HSD17B12: variants seen among roughly 807,000 people sequenced by gnomAD.
The protein encoded by HSD17B12 is hydroxysteroid 17-beta dehydrogenase 12.
HSD17B12 carries 32 observed loss-of-function variants against 39.3 expected under a neutral mutation model. That is an observed-to-expected ratio of 0.81 (90% confidence interval 0.61 to 1.09). The LOEUF (loss-of-function observed/expected upper bound fraction) is 1.09, where lower values mean the gene tolerates loss of function less well. Ranked by LOEUF, HSD17B12 falls within the 50% of genes least tolerant of loss-of-function variation. The pLI is 0.00. For synonymous variants in HSD17B12, 150 were observed against 146.7 expected (o/e 1.02, Z -0.16); for missense variants, 342 against 382.9 (o/e 0.89, Z 0.89).
At chr11:43,595,606 A>T in the HSD17B12 span, among the ~76,000 whole-genome samples, 2 of 152,238 alleles carry the variant, frequency 1.3e-5, no homozygotes, top group African/African-American at 4.8e-5. Context: ...AGTGATCTTC[A>T]GCTGTAAGAT....
chr11:43,769,120 A>G (rs1950625909), intron 3 of HSD17B12, among the ~76,000 whole-genome samples: 1 of 152,090 alleles, frequency 6.6e-6, no homozygotes, highest in African/African-American at 2.4e-5. Flanking sequence ...TTGTATTTTT[A>G]GGAGACACAG....
At chr11:43,734,528 GC>G in intron 1 of HSD17B12, 1 of 601,428 alleles carries the variant, frequency 1.7e-6, no homozygotes, top group Non-Finnish European at 2.9e-6. Flanking sequence ...TCACCTACCT[GC>G]CAGCAGGGCA....
chr11:43,679,120 G>A (rs896246863), upstream of HSD17B12, among the ~76,000 whole-genome samples: 1 of 152,154 alleles, frequency 6.6e-6, no homozygotes, highest in African/African-American at 2.4e-5. Flanking sequence ...TTGAGCAGTG[G>A]TTTGTAGTTC....
chr11:43,713,758 TC>T (rs1321923215), intron 1 of HSD17B12, among the ~76,000 whole-genome samples: 6 of 152,202 alleles, frequency 3.9e-5, no homozygotes, highest in African/African-American at 1.4e-4. Context: ...GTAAAAGTGT[TC>T]CTATTTCTCC....
At chr11:43,747,167 C>A (rs896747683) in intron 1 of HSD17B12, among the ~76,000 whole-genome samples, 22 of 152,158 alleles carry the variant, frequency 1.4e-4, no homozygotes, top group African/African-American at 5.3e-4. Context: ...AAACACTTAC[C>A]AAATGTCTAC....
the HSD17B12 span, among the ~76,000 whole-genome samples, chr11:43,632,824 G>A: frequency 5.3e-5 from 8 of 152,094 alleles, no homozygotes; most frequent in African/African-American, 1.9e-4. Context: ...TCTTTTAGAC[G>A]AGATTTGTAA....
the HSD17B12 span, among the ~76,000 whole-genome samples, chr11:43,575,476 C>G: frequency 6.6e-6 from 1 of 152,218 alleles, no homozygotes; most frequent in Non-Finnish European, 1.5e-5. The surrounding 1 kb of genome is among the most constrained non-coding windows in gnomAD (Gnocchi z 4.1). Context: ...TGTGCACGGC[C>G]GAGTTTGCAT....
chr11:43,568,076 T>C, the HSD17B12 span, among the ~76,000 whole-genome samples: 1 of 152,106 alleles, frequency 6.6e-6, no homozygotes, highest in East Asian at 1.9e-4. Flanking sequence ...CCCTGTTTGT[T>C]TTTTTATTCT....
chr11:43,614,628 G>A, the HSD17B12 span, among the ~76,000 whole-genome samples: 1 of 152,028 alleles, frequency 6.6e-6, no homozygotes, highest in African/African-American at 2.4e-5. Flanking sequence ...ATACTTTTCT[G>A]ACACAATTTC....
chr11:43,756,926 T>G (rs941988411), intron 3 of HSD17B12, among the ~76,000 whole-genome samples: 2 of 152,232 alleles, frequency 1.3e-5, no homozygotes, highest in Admixed American at 6.5e-5. Context: ...GACACTGAAT[T>G]GACCTTTATT....
At chr11:43,643,763 G>A in the HSD17B12 span, among the ~76,000 whole-genome samples, 4 of 152,172 alleles carry the variant, frequency 2.6e-5, no homozygotes, top group African/African-American at 9.7e-5. Context: ...TTATAGGATA[G>A]TCTTTCTCTC....
chr11:43,784,977 G>C (rs1029415481), intron 3 of HSD17B12, among the ~76,000 whole-genome samples: 5 of 152,140 alleles, frequency 3.3e-5, no homozygotes, highest in Admixed American at 1.3e-4. Flanking sequence ...AAGTTATCTT[G>C]AGGCATTAAC....
intron 4 of HSD17B12, among the ~76,000 whole-genome samples, chr11:43,812,463 GA>G (rs1951082264): frequency 6.6e-6 from 1 of 152,136 alleles, no homozygotes; most frequent in Non-Finnish European, 1.5e-5. Flanking sequence ...AGATTTCTGT[GA>G]TGATTGGTGA....
the HSD17B12 span, chr11:43,576,565 C>T: frequency 6.6e-6 from 1 of 152,348 alleles, no homozygotes; most frequent in South Asian, 2.1e-4. Flanking sequence ...CTTTCTCTTT[C>T]CTCCCCCTAT....
chr11:43,832,690 A>C (rs187186932), intron 7 of HSD17B12, among the ~76,000 whole-genome samples: 2 of 152,188 alleles, frequency 1.3e-5, no homozygotes, highest in East Asian at 3.9e-4. Context: ...ATAGGCATTC[A>C]TTTAGTCAAG....
At chr11:43,718,642 A>G in intron 1 of HSD17B12, 4 of 670,784 alleles carry the variant, frequency 6.0e-6, no homozygotes, top group Non-Finnish European at 1.0e-5. Flanking sequence ...TACCCCATGT[A>G]TCAAAAATAT....
chr11:43,632,980 T>G, the HSD17B12 span, among the ~76,000 whole-genome samples: 117 of 152,324 alleles, frequency 7.7e-4, 3 homozygotes, highest in East Asian at 0.018. Context: ...TGGTATGTTT[T>G]GGTTATAATG....
intron 6 of HSD17B12, among the ~76,000 whole-genome samples, chr11:43,823,710 A>AT (rs58245670): frequency 4.9e-4 from 73 of 149,764 alleles, no homozygotes; most frequent in Admixed American, 1.7e-3. Context: ...TGCACAACAC[A>AT]TTTTTTTTTT....
the HSD17B12 span, among the ~76,000 whole-genome samples, chr11:43,633,928 C>A: frequency 6.6e-6 from 1 of 151,332 alleles, no homozygotes; most frequent in East Asian, 2.0e-4. Flanking sequence ...TGCAAAATTA[C>A]CCAGGCATGG....
Sources: allele counts gnomAD v4.1 joint callset (sites outside exome capture counted in the v4.1 genomes callset), GRCh38; gene constraint gnomAD v4.1.1; non-coding constraint Gnocchi (gnomAD v3.1); transcripts MANE v1.5; gene names NCBI Gene and HGNC (gene_info 2026-07-23, HGNC 2026-07-21).